The following GRIN2B variants were observed in gnomAD, a reference collection of about 807,000 sequenced individuals.
The protein encoded by GRIN2B is glutamate ionotropic receptor NMDA type subunit 2B, also known as glutamate receptor ionotropic, NMDA 2B.
In GRIN2B, 5 loss-of-function variants were observed where a neutral mutation model predicts 114.5. The observed-to-expected ratio is 0.04, with a 90% CI of 0.02 to 0.09. The LOEUF is 0.09. GRIN2B is among the 10% of genes least tolerant of loss of function. GRIN2B has a pLI of 1.00. For missense variants in GRIN2B, 1,108 were observed against 1,943.5 expected (o/e 0.57, Z 8.08); for synonymous variants, 787 against 745.1 (o/e 1.06, Z -0.92).
intron 4 of GRIN2B, among the ~76,000 whole-genome samples, chr12:13,733,424 T>A (rs1045657250): frequency 2.0e-5 from 3 of 151,922 alleles, no homozygotes; most frequent in Non-Finnish European, 4.4e-5. Flanking sequence ...CAGCCCAGAA[T>A]TGGGTAATTA....
At chr12:13,704,590 C>T (rs1950342270) in intron 4 of GRIN2B, among the ~76,000 whole-genome samples, 1 of 152,094 alleles carries the variant, frequency 6.6e-6, no homozygotes, top group Non-Finnish European at 1.5e-5. Context: ...CCCACCTAAT[C>T]TAGTGCCCCC....
At chr12:13,670,379 T>C (rs1288892314) in intron 5 of GRIN2B, 1 of 152,190 alleles carries the variant, frequency 6.6e-6, no homozygotes, top group African/African-American at 2.4e-5. Context: ...ATCTTACATA[T>C]TCTCCTTTAA....
chr12:13,846,326 A>G (rs1056207508), intron 3 of GRIN2B, among the ~76,000 whole-genome samples: 3 of 152,242 alleles, frequency 2.0e-5, no homozygotes, highest in Non-Finnish European at 1.5e-5. Flanking sequence ...TACATTGCCC[A>G]TAAGACTTAA....
In GRIN2B at chr12:13,619,171, C is replaced by T. The variant is rs186964065; in HGVS notation, c.1126-2514G>A. Among the ~76,000 whole-genome samples the T allele has an allele frequency of 2.1e-3, 326 of 152,216 alleles. 1 individual carries two copies. The highest frequency in any genetic ancestry group is 0.016 in the South Asian group (75 of 4,814). ...GGAAAGATAAACTGCATTGCAGAAT[C>T]AAGTTTGGAGGAGATATGAATTAGT... is the stretch of plus-strand genomic sequence containing the variant. On this transcript the variant is annotated intron_variant, in intron 5 of 13. Coordinates refer to ENST00000609686, the MANE Select transcript of GRIN2B (RefSeq NM_000834.5).
chr12:13,686,988 C>A (rs148540499), intron 4 of GRIN2B, among the ~76,000 whole-genome samples: 1 of 152,078 alleles, frequency 6.6e-6, no homozygotes, highest in South Asian at 2.1e-4. Flanking sequence ...GGTGCACCCC[C>A]CTCCCCGACC....
intron 10 of GRIN2B, among the ~76,000 whole-genome samples, chr12:13,590,487 T>C (rs1444431709): frequency 6.6e-6 from 1 of 152,026 alleles, no homozygotes; most frequent in Non-Finnish European, 1.5e-5. Context: ...GAACACGTGG[T>C]GTTTGGTTTT....
chr12:13,678,809 A>C (rs1287894898), intron 4 of GRIN2B, among the ~76,000 whole-genome samples: 1 of 152,158 alleles, frequency 6.6e-6, no homozygotes, highest in Non-Finnish European at 1.5e-5. Flanking sequence ...AAACCATGAG[A>C]CAGGATATTT....
chr12:13,681,179 C>T (rs534530283), intron 4 of GRIN2B, among the ~76,000 whole-genome samples: 4 of 152,120 alleles, frequency 2.6e-5, no homozygotes, highest in Admixed American at 1.3e-4. Flanking sequence ...TACTTTACCC[C>T]GCATGTCTTT....
intron 3 of GRIN2B, among the ~76,000 whole-genome samples, chr12:13,792,272 G>T (rs1031207257): frequency 6.6e-6 from 1 of 152,164 alleles, no homozygotes; most frequent in Non-Finnish European, 1.5e-5. Flanking sequence ...GAGAAACAGA[G>T]GAGCTCCCTA....
chr12:13,697,431 T>C (rs1454911664), intron 4 of GRIN2B, among the ~76,000 whole-genome samples: 1 of 152,144 alleles, frequency 6.6e-6, no homozygotes, highest in East Asian at 1.9e-4. Context: ...CCCTACTAGC[T>C]TTTGGGAACA....
intron 5 of GRIN2B, among the ~76,000 whole-genome samples, chr12:13,648,359 A>T (rs1271945032): frequency 6.6e-6 from 1 of 152,016 alleles, no homozygotes; most frequent in African/African-American, 2.4e-5. Flanking sequence ...AGAGAAGTAT[A>T]AACATTAATA....
rs1293492311 is a variant in GRIN2B at position 13,553,733 on chromosome 12, A to C, written c.*9050T>G. 6.6e-6 allele frequency: 1 copy of C among 152,122 alleles called. No homozygotes were observed. The highest frequency in any genetic ancestry group is 2.1e-4 in the South Asian group (1 of 4,824). The allele number at this position is 152,122 out of a possible 1,614,324, so 9.4% of individuals were successfully genotyped here. A position where few individuals can be genotyped will look rare whatever the true frequency, so the allele number is the denominator to read the frequency against. ...CCCAGCATGGATCAGGTTATTAGAG[A>C]CTCAATCTTGGTAGTAAAGTGTCTG... On this transcript the variant is annotated 3_prime_UTR_variant, in exon 14 of 14. Coordinates refer to ENST00000609686, the MANE Select transcript of GRIN2B (RefSeq NM_000834.5).
chr12:13,650,202 C>G (rs1949800442), intron 5 of GRIN2B, among the ~76,000 whole-genome samples: 1 of 152,024 alleles, frequency 6.6e-6, no homozygotes, highest in South Asian at 2.1e-4. Flanking sequence ...GTCTTTCACT[C>G]CTTCCTCTCC....
intron 4 of GRIN2B, among the ~76,000 whole-genome samples, chr12:13,744,332 G>A (rs1863336201): frequency 1.3e-5 from 2 of 152,172 alleles, no homozygotes; most frequent in Non-Finnish European, 1.5e-5. Flanking sequence ...GTTTTATCCA[G>A]TTTTCTTAAT....
At chr12:13,979,508 A>T (rs1863092055) in intron 2 of GRIN2B, among the ~76,000 whole-genome samples, 2 of 150,436 alleles carry the variant, frequency 1.3e-5, no homozygotes, top group Middle Eastern at 3.2e-3. Flanking sequence ...TGAAGGTGAC[A>T]AGGGGAATAA....
At chr12:13,979,298 C>T (rs1238341913) in intron 2 of GRIN2B, among the ~76,000 whole-genome samples, 1 of 151,970 alleles carries the variant, frequency 6.6e-6, no homozygotes, top group African/African-American at 2.4e-5. Flanking sequence ...TCCAGGTGTT[C>T]TGAGACCAGC....
intron 3 of GRIN2B, among the ~76,000 whole-genome samples, chr12:13,775,861 A>G (rs983096962): frequency 2.0e-5 from 3 of 152,196 alleles, no homozygotes; most frequent in Non-Finnish European, 2.9e-5. Context: ...AGTCTTCCCC[A>G]GTGTGGCAAT....
At chr12:13,611,942 G>A (rs1349369249) in intron 8 of GRIN2B, 92 bp from the exon 9 acceptor site, 36 of 1,347,518 alleles carry the variant, frequency 2.7e-5, no homozygotes, top group East Asian at 1.8e-4. Flanking sequence ...TTTAGGGGGT[G>A]GGGAACAAAC....
At chr12:13,958,080 G>A (rs1025648959) in intron 2 of GRIN2B, among the ~76,000 whole-genome samples, 2 of 152,140 alleles carry the variant, frequency 1.3e-5, no homozygotes, top group Admixed American at 1.3e-4. Context: ...ATTGGACAGC[G>A]CTGGTCTCAA....
Sources: allele counts gnomAD v4.1 joint callset (sites outside exome capture counted in the v4.1 genomes callset), GRCh38; gene constraint gnomAD v4.1.1; transcripts MANE v1.5; gene names NCBI Gene and HGNC (gene_info 2026-07-23, HGNC 2026-07-21).